The following ITPR1 variants were observed in gnomAD, a reference collection of about 807,000 sequenced individuals.
ITPR1 encodes the protein inositol 1,4,5-trisphosphate-gated calcium channel ITPR1.
A neutral mutation model predicts 318.4 loss-of-function variants in ITPR1; 96 were observed. That is an observed-to-expected ratio of 0.30 (90% CI 0.26 to 0.36). The LOEUF (loss-of-function observed/expected upper bound fraction) is 0.36. Ranked by LOEUF, ITPR1 falls within the 10% of genes least tolerant of loss-of-function variation. ITPR1 has a pLI of 1.00. For missense variants in ITPR1, 2,440 were observed against 3,460.2 expected, an observed-to-expected ratio of 0.71 and a Z score of 7.40; for synonymous variants, 1,312 against 1,289.9, an observed-to-expected ratio of 1.02 and a Z score of -0.37.
chr3:4,649,928 G>A (rs78316915), intron 10 of ITPR1, among the ~76,000 whole-genome samples: 3,172 of 152,198 alleles, frequency 0.021, 110 homozygotes, highest in African/African-American at 0.072. Flanking sequence ...GAAGTATAAC[G>A]TAAACGATCT....
chr3:4,739,349 G>A (rs1328409503), intron 44 of ITPR1, among the ~76,000 whole-genome samples: 2 of 152,196 alleles, frequency 1.3e-5, no homozygotes, highest in Admixed American at 1.3e-4. Flanking sequence ...TCTCAGGAAG[G>A]GAAATGGGTC....
At chr3:4,552,428 C>G (rs1326253164) in intron 4 of ITPR1, among the ~76,000 whole-genome samples, 1 of 152,170 alleles carries the variant, frequency 6.6e-6, no homozygotes, top group East Asian at 1.9e-4. Flanking sequence ...TCACACAACT[C>G]AGGGAAGCAT....
chr3:4,766,452 A>T, intron 44 of ITPR1, 78 bp from the exon 45 acceptor site: 1 of 1,242,214 alleles, frequency 8.1e-7, no homozygotes. Flanking sequence ...TCTGATCTTC[A>T]TTAGGTTTTG....
chr3:4,778,761 T>A (rs2046635939), intron 48 of ITPR1, among the ~76,000 whole-genome samples: 1 of 152,174 alleles, frequency 6.6e-6, no homozygotes, highest in Non-Finnish European at 1.5e-5. Context: ...ATTTGTGCCC[T>A]GCGATAGCAT....
intron 4 of ITPR1, among the ~76,000 whole-genome samples, chr3:4,587,219 A>G (rs1207703485): frequency 6.7e-6 from 1 of 149,836 alleles, no homozygotes; most frequent in African/African-American, 2.5e-5. Context: ...AAGGGCCTGC[A>G]TTTCTAGCAA....
At chr3:4,818,487 A>G (rs572813752) in intron 60 of ITPR1, among the ~76,000 whole-genome samples, 77 of 152,254 alleles carry the variant, frequency 5.1e-4, no homozygotes, top group African/African-American at 1.8e-3. Flanking sequence ...CGGTGAGATT[A>G]GCACGTGACC....
chr3:4,718,754 G>T lies in ITPR1; in HGVS notation c.5136+1355G>T, dbSNP rs904365559. On this transcript the variant is annotated intron_variant, in intron 40 of 61. Coordinates refer to ENST00000649015, the MANE Select transcript of ITPR1 (RefSeq NM_001378452.1). ...ACTAGAAGGTGAGAAAAACAAAAGG[G>T]AGTGCACCAACTTAATTAACTGCCG... Among the ~76,000 whole-genome samples, 7 of 152,282 alleles carry T rather than the reference G, an allele frequency of 4.6e-5. No homozygotes were observed. The East Asian group carries it at 1.3e-3, about 29-fold the overall frequency.
At chr3:4,705,214 C>T (rs2094732202) in intron 36 of ITPR1, among the ~76,000 whole-genome samples, 1 of 152,114 alleles carries the variant, frequency 6.6e-6, no homozygotes, top group Non-Finnish European at 1.5e-5. Context: ...GATTATTAGT[C>T]TTAATTATCT....
At chr3:4,522,531 G>A (rs1324131662) in intron 4 of ITPR1, among the ~76,000 whole-genome samples, 1 of 152,172 alleles carries the variant, frequency 6.6e-6, no homozygotes, top group African/African-American at 2.4e-5. Context: ...TGGTAGGGGA[G>A]GCTGTTAAAG....
chr3:4,677,690 C>T (rs767226553), intron 24 of ITPR1, among the ~76,000 whole-genome samples: 1 of 152,176 alleles, frequency 6.6e-6, no homozygotes, highest in South Asian at 2.1e-4. Flanking sequence ...GGGCAGAGAG[C>T]GATTGTTGGT....
intron 61 of ITPR1, 69 bp from the exon 62 acceptor site, chr3:4,846,070 A>G (rs1442768987): frequency 3.4e-6 from 3 of 870,928 alleles, no homozygotes; most frequent in South Asian, 1.7e-5. Flanking sequence ...AGGTAAATCT[A>G]TGGTTCAGTA....
intron 4 of ITPR1, among the ~76,000 whole-genome samples, chr3:4,544,687 G>T (rs2084795251): frequency 6.6e-6 from 1 of 152,200 alleles, no homozygotes; most frequent in South Asian, 2.1e-4. Context: ...CTTCGTAAAG[G>T]GAAATGCATA....
At chr3:4,610,163 C>T (rs978879132) in intron 4 of ITPR1, among the ~76,000 whole-genome samples, 1 of 152,170 alleles carries the variant, frequency 6.6e-6, no homozygotes, top group African/African-American at 2.4e-5. Context: ...CACCCATTGG[C>T]TTGTCCAGTG....
At chr3:4,662,529 C>A (rs768609072) in intron 15 of ITPR1, among the ~76,000 whole-genome samples, 2 of 152,124 alleles carry the variant, frequency 1.3e-5, no homozygotes, top group Non-Finnish European at 2.9e-5. Context: ...TCGAGACCAG[C>A]CTGCCTAACA....
In ITPR1 at chr3:4,847,503, G is replaced by A. The variant is rs1201560730; in HGVS notation, c.*1278G>A. 1 of 152,056 alleles carries A rather than the reference G, an allele frequency of 6.6e-6. No homozygotes were observed. The highest frequency in any genetic ancestry group is 1.5e-5 in the Non-Finnish European group (1 of 68,020). 9.4% of individuals were successfully genotyped at this position (152,056 alleles called of 1,614,324 possible). A position where few individuals can be genotyped will look rare whatever the true frequency, so the allele number is the denominator to read the frequency against. ...TTTAATAAATGATGCAGAATATACA[G>A]TGACTGGTTGGTGGCTTTCATTTGG... is the stretch of plus-strand genomic sequence containing the variant. On this transcript the variant is annotated 3_prime_UTR_variant, in exon 62 of 62. Coordinates refer to ENST00000649015, the MANE Select transcript of ITPR1 (RefSeq NM_001378452.1).
intron 52 of ITPR1, among the ~76,000 whole-genome samples, chr3:4,791,684 G>A (rs2047565797): frequency 6.6e-6 from 1 of 152,172 alleles, no homozygotes; most frequent in South Asian, 2.1e-4. Context: ...TATCTGAAGT[G>A]GGCAGACAAC....
intron 2 of ITPR1, among the ~76,000 whole-genome samples, chr3:4,515,019 G>A (rs2124913519): frequency 6.6e-6 from 1 of 152,256 alleles, no homozygotes; most frequent in Non-Finnish European, 1.5e-5. Context: ...TCTTTTGTTT[G>A]AGAGTTTATT....
intron 20 of ITPR1, chr3:4,671,859 G>A (rs528091095): frequency 1.3e-5 from 2 of 152,198 alleles, no homozygotes; most frequent in South Asian, 4.1e-4. Flanking sequence ...TCTGTGTGCT[G>A]CATTTGTATG....
intron 19 of ITPR1, 97 bp from the exon 20 acceptor site, chr3:4,670,632 A>G (rs1576018229): frequency 2.2e-6 from 2 of 908,702 alleles, no homozygotes; most frequent in Middle Eastern, 3.2e-4. Context: ...ATACAAAACA[A>G]AAAGTGTCTT....
Sources: allele counts gnomAD v4.1 joint callset (sites outside exome capture counted in the v4.1 genomes callset), GRCh38; gene constraint gnomAD v4.1.1; transcripts MANE v1.5; gene names NCBI Gene and HGNC (gene_info 2026-07-23, HGNC 2026-07-21).